The following XPNPEP3 variants were observed in gnomAD, a reference collection of about 807,000 sequenced individuals.
XPNPEP3 encodes the protein X-prolyl aminopeptidase 3, also known as xaa-Pro aminopeptidase 3.
A neutral mutation model predicts 60.0 loss-of-function variants in XPNPEP3; 41 were observed. The observed-to-expected ratio is 0.68, with a 90% CI of 0.53 to 0.89. The LOEUF is 0.89. Ranked by LOEUF, XPNPEP3 falls within the 40% of genes least tolerant of loss-of-function variation. The pLI is 0.00. For missense variants in XPNPEP3, 598 were observed against 638.9 expected, an observed-to-expected ratio of 0.94 and a Z score of 0.69; for synonymous variants, 212 against 223.2, an observed-to-expected ratio of 0.95 and a Z score of 0.45.
At chr22:40,921,819 G>C (rs1358256226) in intron 7 of XPNPEP3, among the ~76,000 whole-genome samples, 1 of 151,880 alleles carries the variant, frequency 6.6e-6, no homozygotes, top group Non-Finnish European at 1.5e-5. Context: ...TACATATCAT[G>C]TATCATCCCA....
At chr22:40,910,696 AC>A (rs1324973348) in intron 6 of XPNPEP3, among the ~76,000 whole-genome samples, 1 of 151,466 alleles carries the variant, frequency 6.6e-6, no homozygotes, top group African/African-American at 2.4e-5. Context: ...ACAGAGCAAG[AC>A]CCTGTCTTTA....
At chr22:40,919,620 C>T (rs1369052665) in intron 7 of XPNPEP3, among the ~76,000 whole-genome samples, 2 of 152,156 alleles carry the variant, frequency 1.3e-5, no homozygotes, top group African/African-American at 4.8e-5. Context: ...TTGCCTTGGC[C>T]TGCCAAAACA....
intron 4 of XPNPEP3, among the ~76,000 whole-genome samples, chr22:40,892,757 AT>A (rs1397801898): frequency 2.0e-5 from 3 of 152,180 alleles, no homozygotes; most frequent in African/African-American, 2.4e-5. Flanking sequence ...AAATAGACTC[AT>A]TTCAATGTAC....
chr22:40,899,892 C>T (rs1453931518), intron 4 of XPNPEP3, among the ~76,000 whole-genome samples: 1 of 151,296 alleles, frequency 6.6e-6, no homozygotes, highest in Non-Finnish European at 1.5e-5. Flanking sequence ...CTTAATTAGC[C>T]AGGTGTGGTG....
intron 1 of XPNPEP3, chr22:40,860,702 G>A: frequency 9.3e-7 from 1 of 1,075,034 alleles, no homozygotes; most frequent in Non-Finnish European, 1.3e-6. Context: ...ACCCAAGCTG[G>A]AGTGCAGTGG....
chr22:40,880,450 T>C (rs1389307244), intron 2 of XPNPEP3, among the ~76,000 whole-genome samples: 1 of 150,922 alleles, frequency 6.6e-6, no homozygotes, highest in Non-Finnish European at 1.5e-5. Context: ...CCCAAATGCA[T>C]GTATGTATGA....
At position 40,905,184 on chromosome 22, in the gene XPNPEP3, A is replaced by G. The variant is rs977477822; in HGVS notation, c.793-2403A>G. 1.9e-4 allele frequency among the ~76,000 whole-genome samples: 29 copies of G among 151,914 alleles called. 1 individual carries two copies. The highest frequency in any genetic ancestry group is 1.4e-3 in the Admixed American group (22 of 15,228). On this transcript the variant is annotated intron_variant, in intron 4 of 9. Transcript: ENST00000357137. The stretch of plus-strand genomic sequence containing the variant: ...AACCACTATCTCCCAGGTTCAAGCA[A>G]TTCTCCTGCCTCAGCCTCCCGAGTA...
At chr22:40,906,967 C>A (rs761619967) in intron 4 of XPNPEP3, among the ~76,000 whole-genome samples, 1 of 152,146 alleles carries the variant, frequency 6.6e-6, no homozygotes, top group Non-Finnish European at 1.5e-5. Flanking sequence ...CCACCAAGCC[C>A]CATTATGGTC....
chr22:40,905,271 C>T lies in XPNPEP3; in HGVS notation c.793-2316C>T, dbSNP rs1036002824. Among the ~76,000 whole-genome samples, 6 of 151,730 alleles carry T rather than the reference C, an allele frequency of 4.0e-5. No individual in the cohort carries two copies. In the South Asian group the frequency reaches 8.3e-4, roughly 21 times the overall value. ...ATTTTTTTGTATTTTTAGTAGAGAC[C>T]GTGTTTCACTGTGTTAGCCAGGATG... On this transcript the variant is annotated intron_variant, in intron 4 of 9. Transcript: ENST00000357137.
chr22:40,886,379 T>C lies in XPNPEP3; in HGVS notation c.656T>C (p.Met219Thr), dbSNP rs2146254187. 1 of 1,614,144 alleles carries C rather than the reference T, an allele frequency of 6.2e-7. No homozygotes were observed. Among genetic ancestry groups the C allele is most frequent in the East Asian group, 2.2e-5 (1 of 44,874 alleles). Reference protein sequence around the residue: ...PSHAQLHSDYMQPLTEAKAKS... With the variant: ...PSHAQLHSDYTQPLTEAKAKS... ...CATGCACAGCTTCACTCTGACTATATGCAGCCCCTGACTGAGGCCAAAGCC... is the reference window on the plus strand; with the variant it reads ...CATGCACAGCTTCACTCTGACTATACGCAGCCCCTGACTGAGGCCAAAGCC... The change falls in exon 4 of 10, where the codon ATG (methionine) becomes ACG (threonine). Residue 219 changes from methionine to threonine, a missense_variant. Transcript: ENST00000357137.
rs187744425 is a variant in XPNPEP3 at position 40,887,747 on chromosome 22, G to C, written c.792+1232G>C. ...ACTCCAAAATGGAATCTCAGCTAGG[G>C]ATTTTTGTTTTTTTGGTCACATAAT... On this transcript the variant is annotated intron_variant, in intron 4 of 9. Coordinates refer to ENST00000357137, the MANE Select transcript of XPNPEP3 (RefSeq NM_022098.4). 2.1e-3 allele frequency among the ~76,000 whole-genome samples: 326 copies of C among 152,034 alleles called. 1 individual carries two copies. The highest frequency in any genetic ancestry group is 3.6e-3 in the Non-Finnish European group (245 of 67,992).
At chr22:40,921,929 C>T (rs187461560) in intron 7 of XPNPEP3, among the ~76,000 whole-genome samples, 1 of 151,842 alleles carries the variant, frequency 6.6e-6, no homozygotes, top group South Asian at 2.1e-4. Context: ...TAGTTTATCC[C>T]ATGGTATCTG....
intron 5 of XPNPEP3, 67 bp from the exon 6 acceptor site, chr22:40,909,055 G>T: frequency 7.5e-7 from 1 of 1,340,776 alleles, no homozygotes; most frequent in South Asian, 1.2e-5. Flanking sequence ...ATGGGCTGTT[G>T]AAGAGAGCTT....
intron 1 of XPNPEP3, among the ~76,000 whole-genome samples, chr22:40,864,418 G>A (rs1347108334): frequency 6.6e-6 from 1 of 151,940 alleles, no homozygotes; most frequent in East Asian, 1.9e-4. Context: ...AATTTGACAG[G>A]GACTTATTTT....
chr22:40,908,923 A>G (rs932426641), intron 5 of XPNPEP3, among the ~76,000 whole-genome samples, 199 bp from the exon 6 acceptor site: 1 of 152,264 alleles, frequency 6.6e-6, no homozygotes, highest in Non-Finnish European at 1.5e-5. Context: ...GTATACTTAC[A>G]TAGATTATAG....
At chr22:40,875,574 A>C (rs2058024835) in intron 2 of XPNPEP3, among the ~76,000 whole-genome samples, 1 of 152,148 alleles carries the variant, frequency 6.6e-6, no homozygotes, top group Non-Finnish European at 1.5e-5. Flanking sequence ...ATGCCATTAT[A>C]CCAATAATCT....
intron 1 of XPNPEP3, chr22:40,862,751 T>G: frequency 1.0e-6 from 1 of 985,418 alleles, no homozygotes; most frequent in Non-Finnish European, 1.2e-6. Flanking sequence ...ATTAAAGATT[T>G]GGAAAGTTGT....
intron 4 of XPNPEP3, among the ~76,000 whole-genome samples, chr22:40,889,345 A>T (rs148558465): frequency 6.6e-6 from 1 of 152,348 alleles, no homozygotes; most frequent in African/African-American, 2.4e-5. Context: ...ACTTTCAGTC[A>T]GTATGTTTCC....
chr22:40,862,422 C>T (rs1448364302), intron 1 of XPNPEP3: 1 of 988,372 alleles, frequency 1.0e-6, no homozygotes, highest in African/African-American at 1.7e-5. Context: ...TGCTTCCCAG[C>T]TCTTCTATGC....
Sources: gnomAD v4.1 joint callset for allele counts (sites outside exome capture counted in the v4.1 genomes callset) on GRCh38, gnomAD v4.1.1 for gene constraint, MANE v1.5 for transcripts, NCBI Gene and HGNC (gene_info 2026-07-23, HGNC 2026-07-21) for gene names.